Variants in ETS2 observed in about 807,000 individuals in gnomAD.
ETS2 encodes the protein ETS proto-oncogene 2, transcription factor, also known as protein C-ets-2.
ETS2 carries 19 observed loss-of-function variants against 54.9 expected under a neutral mutation model. That is an observed-to-expected ratio of 0.35 (90% CI 0.24 to 0.51). The LOEUF (loss-of-function observed/expected upper bound fraction) is 0.51. ETS2 is among the 20% of genes least tolerant of loss of function. The probability of loss-of-function intolerance (pLI) is 0.97; values close to 1 mark genes in which losing one functional copy is unlikely to be tolerated. For missense variants in ETS2, 417 were observed against 593.0 expected, an observed-to-expected ratio of 0.70 and a Z score of 3.08; for synonymous variants, 219 against 229.3, an observed-to-expected ratio of 0.95 and a Z score of 0.41.
chr21:38,817,080 G>A lies in ETS2; in HGVS notation c.578G>A (p.Ser193Asn), dbSNP rs1433831363. 3 of 1,599,184 alleles carry A rather than the reference G, an allele frequency of 1.9e-6. No homozygotes were observed. Among genetic ancestry groups the A allele is most frequent in the Admixed American group, 3.3e-5 (2 of 59,968 alleles). ...HLTSVPHWIN[S>N]NTLGFGTEQA... The stretch of plus-strand genomic sequence containing the variant: ...ACCTCCGTTCCTCATTGGATTAACA[G>A]CAATACATTAGGTCAGTCCGATTGA... The change falls in exon 6 of 10, where the codon AGC becomes AAC. Residue 193 changes from serine to asparagine, a missense_variant. Transcript: ENST00000360938.
chr21:38,813,242 C>A, intron 3 of ETS2, 128 bp downstream of exon 3: 1 of 700,038 alleles, frequency 1.4e-6, no homozygotes, highest in Non-Finnish European at 2.6e-6. Context: ...GCCAGAAGTT[C>A]TGGACCTGGG....
Position 38,815,104 on chromosome 21 carries a change from T to C in ETS2, c.505+123T>C, listed in dbSNP as rs76490364. The C allele has an allele frequency of 8.2e-3, 7,422 of 902,810 alleles. 48 individuals carry two copies. The highest frequency in any genetic ancestry group is 0.017 in the Middle Eastern group (63 of 3,626). The allele number at this position is 902,810 out of a possible 1,614,324, so 55.9% of individuals were successfully genotyped here. The stretch of plus-strand genomic sequence containing the variant: ...GCCACTTGAAATGACATAGAGTACC[T>C]TGCCTCAAAATGCCACTCAAGTGAG... On this transcript the variant is annotated intron_variant, in intron 5 of 9. Coordinates refer to ENST00000360938, the MANE Select transcript of ETS2 (RefSeq NM_005239.6).
intron 1 of ETS2, chr21:38,809,675 G>C: frequency 4.3e-6 from 1 of 231,832 alleles, no homozygotes; most frequent in Non-Finnish European, 8.4e-6. Flanking sequence ...ACTCACCTAA[G>C]CTGGCCATGG....
chr21:38,814,872 C>G lies in ETS2; in HGVS notation c.396C>G (p.Phe132Leu). The change falls in exon 5 of 10, where the codon TTC becomes TTG. Residue 132 changes from phenylalanine to leucine, a missense_variant. Physicochemically the swap from Phe to Leu is conservative, Grantham distance 22 (BLOSUM62 0). Coordinates refer to ENST00000360938, the MANE Select transcript of ETS2 (RefSeq NM_005239.6). The surrounding 1 kb of genome is among the most constrained non-coding windows in gnomAD (Gnocchi z 4.2). ...FSLVNVNLQR[F>L]GMNGQMLCNL... ...TGGTGAACGTGAATCTGCAGAGGTT[C>G]GGCATGAATGGCCAGATGCTGTGTA... 2 of 1,614,162 alleles carry G rather than the reference C, an allele frequency of 1.2e-6. No homozygotes were observed. The highest frequency in any genetic ancestry group is 1.7e-6 in the Non-Finnish European group (2 of 1,180,022).
upstream of ETS2, chr21:38,805,926 C>T: frequency 8.0e-7 from 1 of 1,255,146 alleles, no homozygotes; most frequent in Non-Finnish European, 1.0e-6. The surrounding 1 kb of genome is among the most constrained non-coding windows in gnomAD (Gnocchi z 5.2). Flanking sequence ...TGGGGGACGG[C>T]CCGGTTACTT....
chr21:38,818,706 A>G, intron 7 of ETS2, 60 bp downstream of exon 7: 1 of 1,569,822 alleles, frequency 6.4e-7, no homozygotes, highest in South Asian at 1.1e-5. Flanking sequence ...CCCCAGAGCC[A>G]TAATGAACCT....
intron 2 of ETS2, among the ~76,000 whole-genome samples, chr21:38,811,482 G>A (rs772717198): frequency 3.1e-4 from 47 of 152,152 alleles, no homozygotes; most frequent in Admixed American, 2.4e-3. Context: ...GCGGGTAACC[G>A]ATTTTATTTG....
In ETS2 at chr21:38,806,712, G is replaced by C. The variant is rs2060894787; in HGVS notation, c.-1+592G>C. 1.0e-6 allele frequency: 1 copy of C among 985,470 alleles called. No homozygotes were observed. Among genetic ancestry groups the C allele is most frequent in the Non-Finnish European group, 1.2e-6 (1 of 829,964 alleles). 61.0% of individuals were successfully genotyped at this position (985,470 alleles called of 1,614,324 possible). A position where few individuals can be genotyped will look rare whatever the true frequency, so the allele number is the denominator to read the frequency against. ...CCAGGGCCCGGGCTGGGGACCCCTC[G>C]GTCGTGCGAGGAGAGCGTGGGGAAC... is the stretch of plus-strand genomic sequence containing the variant. On this transcript the variant is annotated intron_variant, in intron 1 of 9. Coordinates refer to ENST00000360938, the MANE Select transcript of ETS2 (RefSeq NM_005239.6). This position sits in a 1 kb window ranked among gnomAD's most constrained non-coding sequence, Gnocchi z 4.3.
In ETS2 at chr21:38,810,077, G is replaced by T. The variant is rs115148137; in HGVS notation, c.43G>T (p.Val15Leu). The change falls in exon 2 of 10, where the codon GTG (valine) becomes TTG (leucine). Residue 15 changes from valine (V) to leucine (L), a missense_variant. By Grantham distance (32) the Val-to-Leu change is conservative. This residue lies in a region of ETS2 where 326 missense variants were observed against 426.1 expected (regional missense o/e 0.76). Coordinates refer to ENST00000360938, the MANE Select transcript of ETS2 (RefSeq NM_005239.6). Reference protein sequence around the residue: ...GIKNMDQVAPVANSYRGTLKR... With the variant: ...GIKNMDQVAPLANSYRGTLKR... The stretch of plus-strand genomic sequence containing the variant: ...CAAGAATATGGACCAGGTAGCCCCT[G>T]TGGCTAACAGTTACAGAGGGACACT... The T allele has an allele frequency of 8.2e-5, 127 of 1,557,512 alleles. No homozygotes were observed. Among genetic ancestry groups the T allele is most frequent in the Non-Finnish European group, 1.0e-4 (121 of 1,159,778 alleles).
intron 6 of ETS2, 49 bp from the exon 7 acceptor site, chr21:38,818,376 G>A (rs752058266): frequency 6.2e-7 from 1 of 1,611,508 alleles, no homozygotes; most frequent in South Asian, 1.1e-5. Flanking sequence ...GTTAGTTACT[G>A]GGGTAACACT....
In ETS2 at chr21:38,810,013, CTTTT is replaced by C. The variant is rs3833351; in HGVS notation, c.1-14_1-11del. The C allele has an allele frequency of 6.2e-5, 74 of 1,193,398 alleles. No homozygotes were observed. Among genetic ancestry groups the C allele is most frequent in the Non-Finnish European group, 8.0e-5 (70 of 871,476 alleles). 73.9% of individuals were successfully genotyped at this position (1,193,398 alleles called of 1,614,324 possible). A position where few individuals can be genotyped will look rare whatever the true frequency, so the allele number is the denominator to read the frequency against. ...TGTACTTAATCTTTTGCCTCTTTGA[CTTTT>C]TTTTTTTCTTTTTTAAGATGAATGA... is the stretch of plus-strand genomic sequence containing the variant. On this transcript the variant is annotated intron_variant, in intron 1 of 9. Coordinates refer to ENST00000360938, the MANE Select transcript of ETS2 (RefSeq NM_005239.6).
rs115297166 is a variant in ETS2 at position 38,818,500 on chromosome 21, G to T, written c.665G>T (p.Cys222Phe). 1 of 1,614,174 alleles carries T rather than the reference G, an allele frequency of 6.2e-7. No individual in the cohort carries two copies. Among genetic ancestry groups the T allele is most frequent in the Non-Finnish European group, 8.5e-7 (1 of 1,180,036 alleles). The change falls in exon 7 of 10, where the codon TGT becomes TTT. Residue 222 changes from cysteine to phenylalanine, a missense_variant. By Grantham distance (205) the Cys-to-Phe change is radical. Coordinates refer to ENST00000360938, the MANE Select transcript of ETS2 (RefSeq NM_005239.6). ...AAAGGCGGCCTCCTGGACAGCATGT[G>T]TCCGGCCTCCACACCCAGCGTACTC... ...YPKGGLLDSM[C>F]PASTPSVLSS...
At chr21:38,807,417 CT>C (rs369913456) in intron 1 of ETS2, among the ~76,000 whole-genome samples, 5,721 of 133,284 alleles carry the variant, frequency 0.043, 279 homozygotes, top group African/African-American at 0.14. Context: ...GCTCTTTATC[CT>C]TTTTTTTTTT....
Position 38,822,913 on chromosome 21 carries a change from G to A in ETS2, c.*24G>A, listed in dbSNP as rs745774816. 5.3e-6 allele frequency: 8 copies of A among 1,522,684 alleles called. No homozygotes were observed. Among genetic ancestry groups the A allele is most frequent in the South Asian group, 5.1e-5 (4 of 78,484 alleles). The allele number at this position is 1,522,684 out of a possible 1,614,324, so 94.3% of individuals were successfully genotyped here. ...GAGGTCGCCGGGACCACCCTGAGCCGGCCCCAGGCTCGTGGACTGAGTGGG... is the reference window on the plus strand; with the variant it reads ...GAGGTCGCCGGGACCACCCTGAGCCAGCCCCAGGCTCGTGGACTGAGTGGG... On this transcript the variant is annotated 3_prime_UTR_variant, in exon 10 of 10. Transcript: ENST00000360938.
At chr21:38,805,365 C>T (rs1386583320), upstream of ETS2, 7 of 1,288,830 alleles carry the variant, frequency 5.4e-6, no homozygotes, top group Admixed American at 2.3e-5. The surrounding 1 kb of genome is among the most constrained non-coding windows in gnomAD (Gnocchi z 5.2). Flanking sequence ...GGCTCAATTT[C>T]AGGGCCTTAT....
At chr21:38,808,825 C>T (rs2060903531) in intron 1 of ETS2, among the ~76,000 whole-genome samples, 1 of 152,212 alleles carries the variant, frequency 6.6e-6, no homozygotes, top group Non-Finnish European at 1.5e-5. Context: ...CCAGTGGAGG[C>T]CATGGAGCTA....
intron 1 of ETS2, 54 bp from the exon 2 acceptor site, chr21:38,809,981 A>G: frequency 8.7e-7 from 1 of 1,149,822 alleles, no homozygotes; most frequent in Non-Finnish European, 1.2e-6. Context: ...ACCAATGATG[A>G]GTTTAGTGTA....
chr21:38,813,791 G>C (rs952751125), intron 3 of ETS2, among the ~76,000 whole-genome samples: 1 of 152,182 alleles, frequency 6.6e-6, no homozygotes, highest in Admixed American at 6.5e-5. Context: ...AAATTGCTGA[G>C]GGTGTCTGGA....
Position 38,822,781 on chromosome 21 carries a change from G to T in ETS2, c.1302G>T (p.Ser434=), listed in dbSNP as rs773313067. ...ACAAGAACATCATCCACAAGACGTC[G>T]GGGAAGCGCTACGTGTACCGCTTCG... is the stretch of plus-strand genomic sequence containing the variant. The part of the protein sequence containing the change: ...YYDKNIIHKT[S]GKRYVYRFVC... Residue 434 remains serine, a synonymous_variant, in exon 10 of 10, where the codon TCG becomes TCT. Coordinates refer to ENST00000360938, the MANE Select transcript of ETS2 (RefSeq NM_005239.6). 1 of 1,614,158 alleles carries T rather than the reference G, an allele frequency of 6.2e-7. No individual in the cohort carries two copies. The highest frequency in any genetic ancestry group is 1.7e-5 in the Admixed American group (1 of 60,020).
Sources: gnomAD v4.1 joint callset for allele counts (sites outside exome capture counted in the v4.1 genomes callset) on GRCh38, gnomAD v4.1.1 for gene constraint, gnomAD v4.1.1 regional missense constraint, Gnocchi (gnomAD v3.1) non-coding constraint, MANE v1.5 for transcripts, NCBI Gene and HGNC (gene_info 2026-07-23, HGNC 2026-07-21) for gene names.